Variants in DACH2 observed in about 807,000 individuals in gnomAD.
DACH2 encodes dachshund family transcription factor 2, also known as dachshund homolog 2.
A neutral mutation model predicts 35.8 loss-of-function variants in DACH2; 17 were observed. The ratio of observed to expected loss-of-function variants is 0.48; its 90% confidence interval spans 0.33 to 0.71. The LOEUF (loss-of-function observed/expected upper bound fraction) is 0.71, where lower values mean the gene tolerates loss of function less well. Ranked by LOEUF, DACH2 falls within the 30% of genes least tolerant of loss-of-function variation. DACH2 has a pLI of 0.02. For synonymous variants in DACH2, 195 were observed against 177.3 expected, an observed-to-expected ratio of 1.10 and a Z score of -0.79; for missense variants, 469 against 472.7, an observed-to-expected ratio of 0.99 and a Z score of 0.07.
At chrX:86,455,372 C>T (rs750214302) in intron 2 of DACH2, among the ~76,000 whole-genome samples, 5 of 111,313 alleles carry the variant, frequency 4.5e-5, no homozygotes, top group Non-Finnish European at 7.5e-5. Context: ...TTCCAAAGCT[C>T]GCAAAATAGA....
At position 86,173,794 on chromosome X, in the gene DACH2, G is replaced by A. The variant is rs140957060; in HGVS notation, c.488+24686G>A. ...ATCTGACTTAGATTTTGAAAGGATT[G>A]CTCTGGCTAGGTTGAGAATAGGCTC... On this transcript the variant is annotated intron_variant, in intron 1 of 11. Coordinates refer to ENST00000373125, the MANE Select transcript of DACH2 (RefSeq NM_053281.3). Among the ~76,000 whole-genome samples, 358 of 112,214 alleles carry A rather than the reference G, an allele frequency of 3.2e-3. 1 individual carries two copies. Among genetic ancestry groups the A allele is most frequent in the African/African-American group, 0.011 (346 of 30,938 alleles).
chrX:86,298,616 C>T (rs1237878323), intron 1 of DACH2, among the ~76,000 whole-genome samples: 2 of 111,377 alleles, frequency 1.8e-5, no homozygotes, highest in African/African-American at 6.5e-5. Context: ...TCAATAAACC[C>T]CAAACTAAGT....
intron 7 of DACH2, among the ~76,000 whole-genome samples, chrX:86,755,601 T>G (rs927086627): frequency 2.0e-5 from 2 of 100,376 alleles, no homozygotes; most frequent in Non-Finnish European, 4.0e-5. Flanking sequence ...TAATTTTTTT[T>G]TTTTTTTTTT....
intron 3 of DACH2, among the ~76,000 whole-genome samples, chrX:86,626,398 T>C (rs748854297): frequency 8.9e-6 from 1 of 112,600 alleles, no homozygotes; most frequent in Non-Finnish European, 1.9e-5. Context: ...GTGTTGAGTG[T>C]CTGTGGCTTT....
intron 1 of DACH2, among the ~76,000 whole-genome samples, chrX:86,369,373 G>A (rs1427628735): frequency 9.1e-6 from 1 of 109,946 alleles, no homozygotes; most frequent in Non-Finnish European, 1.9e-5. Context: ...CCTTGTCAGG[G>A]ATTAAGTCAG....
Position 86,193,540 on chromosome X carries a change from T to C in DACH2, c.488+44432T>C, listed in dbSNP as rs757043577. On this transcript the variant is annotated intron_variant, in intron 1 of 11. Transcript: ENST00000373125. ...TTAACAACATGCTTACTTAATGAGA[T>C]AGCATCTAGTTTTTCTGGACATAAC... Among the ~76,000 whole-genome samples, 8 of 112,124 alleles carry C rather than the reference T, an allele frequency of 7.1e-5. No homozygotes were observed. The South Asian group carries it at 1.5e-3, about 20-fold the overall frequency.
chrX:86,516,904 C>T (rs780408827), intron 3 of DACH2, among the ~76,000 whole-genome samples: 11 of 111,585 alleles, frequency 9.9e-5, no homozygotes, highest in Non-Finnish European at 1.7e-4. Context: ...TTTTTTATGG[C>T]TGCATAGTAT....
intron 5 of DACH2, among the ~76,000 whole-genome samples, chrX:86,710,636 G>A (rs575439986): frequency 1.1e-4 from 12 of 111,763 alleles, no homozygotes; most frequent in Non-Finnish European, 1.9e-4. Flanking sequence ...AGATTCCAGA[G>A]AGAAGCATTA....
At chrX:86,546,893 C>T (rs2038982750) in intron 3 of DACH2, among the ~76,000 whole-genome samples, 1 of 110,494 alleles carries the variant, frequency 9.1e-6, no homozygotes, top group African/African-American at 3.3e-5. Context: ...TACTTACCTA[C>T]TTTTTTGCAG....
chrX:86,647,756 A>G (rs995928368), intron 3 of DACH2, among the ~76,000 whole-genome samples: 18 of 111,082 alleles, frequency 1.6e-4, no homozygotes, highest in African/African-American at 5.9e-4. Context: ...GGTATAGACT[A>G]TGGTAATGGT....
intron 3 of DACH2, among the ~76,000 whole-genome samples, chrX:86,579,115 G>A (rs1165188813): frequency 2.8e-5 from 3 of 106,966 alleles, no homozygotes; most frequent in South Asian, 4.0e-4. Flanking sequence ...TTTTTGAGAC[G>A]GAGTTTCGCT....
chrX:86,332,765 G>T (rs2035235624), intron 1 of DACH2, among the ~76,000 whole-genome samples: 1 of 111,535 alleles, frequency 9.0e-6, no homozygotes, highest in African/African-American at 3.2e-5. Flanking sequence ...GTTTGCTTTG[G>T]AGTAGAAGGC....
intron 2 of DACH2, among the ~76,000 whole-genome samples, chrX:86,502,117 G>A (rs923616707): frequency 1.8e-5 from 2 of 109,233 alleles, no homozygotes; most frequent in Non-Finnish European, 1.9e-5. Flanking sequence ...ATACTCACAC[G>A]GTAAGATACA....
chrX:86,805,523 C>A (rs1168068996), intron 7 of DACH2, among the ~76,000 whole-genome samples: 2 of 111,228 alleles, frequency 1.8e-5, no homozygotes, highest in Admixed American at 9.5e-5. Context: ...ATGCAAATTT[C>A]TTCAGCCCAC....
intron 1 of DACH2, among the ~76,000 whole-genome samples, chrX:86,362,089 A>G (rs1163525511): frequency 9.0e-6 from 1 of 111,475 alleles, no homozygotes; most frequent in African/African-American, 3.2e-5. Flanking sequence ...AAATCCTTAG[A>G]TTACTGTCCC....
chrX:86,832,386 A>C lies in DACH2; in HGVS notation c.*231A>C. ...AGTTTAAAAATATGAACTAAAACCT[A>C]ATGGCTAAAGTAACTTGACCATATT... On this transcript the variant is annotated 3_prime_UTR_variant, in exon 12 of 12. Transcript: ENST00000373125. The C allele has an allele frequency of 2.9e-6, 1 of 347,726 alleles. No homozygotes were observed. The highest frequency in any genetic ancestry group is 6.3e-5 in the South Asian group (1 of 15,901). 28.7% of individuals were successfully genotyped at this position (347,726 alleles called of 1,213,427 possible).
At chrX:86,729,254 C>A (rs1011093443) in intron 6 of DACH2, among the ~76,000 whole-genome samples, 5 of 112,014 alleles carry the variant, frequency 4.5e-5, no homozygotes, top group Admixed American at 9.4e-5. Context: ...TTAATGACTG[C>A]CCTGCAGGGT....
At chrX:86,739,974 G>C in intron 7 of DACH2, 92 bp downstream of exon 7, 1 of 865,450 alleles carries the variant, frequency 1.2e-6, no homozygotes. Flanking sequence ...AGCTGGGGAA[G>C]CTGATACCTC....
At chrX:86,817,065 A>G (rs1249276735) in intron 11 of DACH2, among the ~76,000 whole-genome samples, 1 of 111,522 alleles carries the variant, frequency 9.0e-6, no homozygotes, top group Non-Finnish European at 1.9e-5. Flanking sequence ...TGGTAGCTTC[A>G]TAAGTTGTTT....
Sources: gnomAD v4.1 joint callset for allele counts (sites outside exome capture counted in the v4.1 genomes callset) on GRCh38, gnomAD v4.1.1 for gene constraint, MANE v1.5 for transcripts, NCBI Gene and HGNC (gene_info 2026-07-23, HGNC 2026-07-21) for gene names.